The following PDE11A variants were observed in gnomAD, a reference collection of about 807,000 sequenced individuals.
PDE11A encodes dual 3',5'-cyclic-AMP and -GMP phosphodiesterase 11A.
A neutral mutation model predicts 100.5 loss-of-function variants in PDE11A; 100 were observed. That is an observed-to-expected ratio of 1.00 (90% CI 0.85 to 1.18). The LOEUF is 1.18. Ranked by LOEUF, PDE11A falls within the 50% of genes most tolerant of loss-of-function variation. The probability of loss-of-function intolerance (pLI) is 0.00; values close to 1 mark genes in which losing one functional copy is unlikely to be tolerated. For missense variants in PDE11A, 1,141 were observed against 1,152.6 expected, an observed-to-expected ratio of 0.99 and a Z score of 0.15; for synonymous variants, 381 against 420.8, an observed-to-expected ratio of 0.91 and a Z score of 1.16.
chr2:177,700,061 A>T (rs1021876997), intron 14 of PDE11A, among the ~76,000 whole-genome samples: 1 of 152,184 alleles, frequency 6.6e-6, no homozygotes, highest in Non-Finnish European at 1.5e-5. Flanking sequence ...TTGGAGGGCA[A>T]TTCCACAGCC....
At chr2:177,884,170 CT>C (rs1162816273) in intron 4 of PDE11A, among the ~76,000 whole-genome samples, 1 of 152,102 alleles carries the variant, frequency 6.6e-6, no homozygotes, top group Non-Finnish European at 1.5e-5. Flanking sequence ...TGAACTTTAC[CT>C]GAGCTCTGTG....
chr2:177,663,206 C>T (rs1394033724), intron 19 of PDE11A, among the ~76,000 whole-genome samples: 2 of 146,336 alleles, frequency 1.4e-5, no homozygotes, highest in African/African-American at 5.6e-5. Context: ...TTCAAAGCGA[C>T]ACTTTTCTCC....
chr2:178,072,464 T>C lies in PDE11A; in HGVS notation c.-27A>G, dbSNP rs2105873832. 1 of 1,612,558 alleles carries C rather than the reference T, an allele frequency of 6.2e-7. No individual in the cohort carries two copies. Among genetic ancestry groups the C allele is most frequent in the Non-Finnish European group, 8.5e-7 (1 of 1,180,000 alleles). ...GTCCCAGACAGCTTTCCTTGCCTGT[T>C]TACACGTGAACCAAATGTTTTCCTG... On this transcript the variant is annotated 5_prime_UTR_variant, in exon 1 of 20. Coordinates refer to ENST00000286063, the MANE Select transcript of PDE11A (RefSeq NM_016953.4).
intron 1 of PDE11A, among the ~76,000 whole-genome samples, chr2:178,068,616 G>A (rs2087081832): frequency 6.6e-6 from 1 of 152,080 alleles, no homozygotes; most frequent in African/African-American, 2.4e-5. Context: ...AATCAGGAAG[G>A]ATGGTTACAT....
In PDE11A at chr2:178,054,610, G is replaced by A. The variant is rs138047577; in HGVS notation, c.912+16916C>T. Among the ~76,000 whole-genome samples, 1,486 of 152,206 alleles carry A rather than the reference G, an allele frequency of 9.8e-3. 20 individuals are homozygous for A. The highest frequency in any genetic ancestry group is 0.034 in the African/African-American group (1,412 of 41,514). Reference sequence around the variant, plus strand: ...TTACAATCTACCCATCTGATAAAGGGCTAATATCCAGAATCTACAAAGAAC... The same window carrying A: ...TTACAATCTACCCATCTGATAAAGGACTAATATCCAGAATCTACAAAGAAC... On this transcript the variant is annotated intron_variant, in intron 1 of 19. Transcript: ENST00000286063.
intron 10 of PDE11A, among the ~76,000 whole-genome samples, chr2:177,758,614 C>A (rs1426402267): frequency 5.9e-5 from 9 of 152,220 alleles, no homozygotes; most frequent in Admixed American, 5.9e-4. Context: ...AGGCTCAAAT[C>A]TCCTGGCTGC....
chr2:177,871,750 A>T (rs189552969), intron 5 of PDE11A, among the ~76,000 whole-genome samples: 11 of 151,782 alleles, frequency 7.2e-5, no homozygotes, highest in Admixed American at 1.3e-4. Flanking sequence ...GTCCTAGCTA[A>T]TTGGGAGGTT....
In PDE11A at chr2:177,629,248, C is replaced by T. The variant is rs1382409196; in HGVS notation, c.*159G>A. ...TTTGTCCTTCCCGTTGCTCTCTCTGCTGCTGACCATGCTTCAAGGTGAAAG... is the reference window on the plus strand; with the variant it reads ...TTTGTCCTTCCCGTTGCTCTCTCTGTTGCTGACCATGCTTCAAGGTGAAAG... On this transcript the variant is annotated 3_prime_UTR_variant, in exon 20 of 20. Coordinates refer to ENST00000286063, the MANE Select transcript of PDE11A (RefSeq NM_016953.4). The T allele has an allele frequency of 9.6e-6, 7 of 726,276 alleles. No individual in the cohort carries two copies. The African/African-American group carries it at 1.0e-4, about 11-fold the overall frequency. 45.0% of individuals were successfully genotyped at this position (726,276 alleles called of 1,614,324 possible). A position where few individuals can be genotyped will look rare whatever the true frequency, so the allele number is the denominator to read the frequency against.
chr2:177,730,547 AT>A (rs984247293), intron 10 of PDE11A, among the ~76,000 whole-genome samples: 2 of 142,688 alleles, frequency 1.4e-5, no homozygotes, highest in Admixed American at 1.4e-4. Context: ...CATTTCTCAT[AT>A]TTTTTCTTTT....
intron 14 of PDE11A, among the ~76,000 whole-genome samples, chr2:177,699,658 G>A (rs574795135): frequency 6.6e-6 from 1 of 152,184 alleles, no homozygotes; most frequent in Non-Finnish European, 1.5e-5. Context: ...AGGAAGAAAG[G>A]TCTGGGCAAA....
At chr2:177,663,308 A>G (rs2080510640) in intron 19 of PDE11A, among the ~76,000 whole-genome samples, 1 of 146,414 alleles carries the variant, frequency 6.8e-6, no homozygotes, top group Non-Finnish European at 1.5e-5. Context: ...TGTCTCATGC[A>G]TCTCAGAGAC....
At chr2:177,955,970 T>C (rs1210911108) in intron 2 of PDE11A, among the ~76,000 whole-genome samples, 3 of 152,134 alleles carry the variant, frequency 2.0e-5, no homozygotes, top group African/African-American at 2.4e-5. Context: ...GAAGAAAACC[T>C]AGGCAATACC....
chr2:178,003,121 T>C (rs74267485), intron 2 of PDE11A, among the ~76,000 whole-genome samples: 2,244 of 152,252 alleles, frequency 0.015, 44 homozygotes, highest in East Asian at 0.091. Flanking sequence ...GTGCAGCTGT[T>C]TTGCAAAACA....
intron 12 of PDE11A, 34 bp from the exon 13 acceptor site, chr2:177,711,912 C>A: frequency 2.7e-6 from 3 of 1,106,790 alleles, no homozygotes; most frequent in East Asian, 2.4e-5. Flanking sequence ...ACAGTCACTA[C>A]TGGGGTACGG....
At position 178,083,728 on chromosome 2, in the gene PDE11A, C is replaced by A. The variant is rs1574389980; in HGVS notation, c.162+20574G>T. Among the ~76,000 whole-genome samples the A allele has an allele frequency of 2.0e-5, 3 of 152,308 alleles. No homozygotes were observed. The East Asian group carries it at 5.8e-4, about 29-fold the overall frequency. ...ATAAGTTTCCTAATAACTTCCTATG[C>A]AGGAAAATGTTCCTCTTTCTGGATT... On this transcript the variant is annotated intron_variant, in intron 2 of 20. Coordinates refer to the PDE11A transcript ENST00000358450.
chr2:177,634,782 G>A (rs2080013195), intron 19 of PDE11A, among the ~76,000 whole-genome samples: 1 of 152,142 alleles, frequency 6.6e-6, no homozygotes, highest in Non-Finnish European at 1.5e-5. Flanking sequence ...GTTTATCCAC[G>A]AACCTAAATT....
chr2:177,796,663 A>G (rs1176211723), intron 9 of PDE11A, among the ~76,000 whole-genome samples: 1 of 152,108 alleles, frequency 6.6e-6, no homozygotes, highest in Admixed American at 6.6e-5. Context: ...CTGTCCCCTT[A>G]TGACAGCACT....
At chr2:177,721,719 T>C (rs1430451968) in intron 12 of PDE11A, among the ~76,000 whole-genome samples, 1 of 152,128 alleles carries the variant, frequency 6.6e-6, no homozygotes, top group Non-Finnish European at 1.5e-5. Context: ...GCATATAATA[T>C]AACATATGGT....
chr2:177,969,783 T>G (rs562760320), intron 2 of PDE11A, among the ~76,000 whole-genome samples: 1 of 152,268 alleles, frequency 6.6e-6, no homozygotes, highest in South Asian at 2.1e-4. Context: ...AAATGAGTAT[T>G]AAAAATACAT....
Sources: allele counts gnomAD v4.1 joint callset (sites outside exome capture counted in the v4.1 genomes callset), GRCh38; gene constraint gnomAD v4.1.1; transcripts MANE v1.5; gene names NCBI Gene and HGNC (gene_info 2026-07-23, HGNC 2026-07-21).